Variants in SARS2 observed in about 807,000 individuals in gnomAD.
The protein encoded by SARS2 is seryl-tRNA synthetase 2, mitochondrial, also known as serine--tRNA ligase, mitochondrial.
A neutral mutation model predicts 66.8 loss-of-function variants in SARS2; 52 were observed. The observed-to-expected ratio is 0.78, with a 90% CI of 0.62 to 0.98. The LOEUF (loss-of-function observed/expected upper bound fraction) is 0.98, where lower values mean the gene tolerates loss of function less well. Ranked by LOEUF, SARS2 falls within the 50% of genes least tolerant of loss-of-function variation. SARS2 has a pLI of 0.00. For synonymous variants in SARS2, 306 were observed against 281.4 expected, an observed-to-expected ratio of 1.09 and a Z score of -0.87; for missense variants, 673 against 706.3, an observed-to-expected ratio of 0.95 and a Z score of 0.53.
intron 5 of SARS2, among the ~76,000 whole-genome samples, chr19:38,920,552 C>G (rs748144373): frequency 2.0e-5 from 3 of 151,732 alleles, no homozygotes; most frequent in Admixed American, 6.6e-5. Context: ...GAGAGAGAGA[C>G]AGAGACACAC....
At chr19:38,925,530 G>A (rs1341593277) in intron 2 of SARS2, among the ~76,000 whole-genome samples, 1 of 152,090 alleles carries the variant, frequency 6.6e-6, no homozygotes, top group Non-Finnish European at 1.5e-5. Flanking sequence ...GGACTTTGCT[G>A]GATGCTTCAG....
chr19:38,917,897 C>T (rs1162773215), intron 11 of SARS2, 24 bp downstream of exon 11: 2 of 1,613,290 alleles, frequency 1.2e-6, no homozygotes, highest in South Asian at 2.2e-5. Flanking sequence ...CACCCCAGCC[C>T]CGTTTAGTCC....
At chr19:38,927,341 G>A (rs1974645149) in intron 1 of SARS2, among the ~76,000 whole-genome samples, 3 of 152,238 alleles carry the variant, frequency 2.0e-5, no homozygotes, top group Admixed American at 2.0e-4. Flanking sequence ...GGCTGAGGCA[G>A]GTGGATCATT....
Position 38,930,422 on chromosome 19 carries a change from T to G in SARS2, c.267+48A>C, listed in dbSNP as rs748821451. 2.6e-6 allele frequency: 4 copies of G among 1,551,570 alleles called. No individual in the cohort carries two copies. The South Asian group carries it at 4.7e-5, about 18-fold the overall frequency. ...GAGGGCATCTTGCAAACCCAATTCTTCCGTAAAGCAAACGTCTGCGCCCCC... is the reference window on the plus strand; with the variant it reads ...GAGGGCATCTTGCAAACCCAATTCTGCCGTAAAGCAAACGTCTGCGCCCCC... On this transcript the variant is annotated intron_variant, in intron 1 of 15. Transcript: ENST00000221431.
intron 6 of SARS2, 89 bp from the exon 7 acceptor site, chr19:38,919,956 CT>C: frequency 7.3e-7 from 1 of 1,361,628 alleles, no homozygotes; most frequent in South Asian, 1.2e-5. Flanking sequence ...GGCCCGGCTG[CT>C]GGGTGGGGCT....
rs780899400 is a variant in SARS2, at chr19:38,916,038, G to A, written c.1346C>T (p.Thr449Met). The change falls in exon 14 of 16, where the codon ACG becomes ATG. Residue 449 changes from threonine to methionine, a missense_variant and splice_region_variant. By Grantham distance (81) the Thr-to-Met change is moderately conservative. Transcript: ENST00000221431. ...TEAGELQFAH[T>M]VNATACAVPR... ...GGCAGGAGGCTGTGCGGGCCTCACC[G>A]TGTGGGCAAACTGCAGCTCCCCAGC... 2.0e-5 allele frequency: 33 copies of A among 1,613,380 alleles called. No individual in the cohort carries two copies. The highest frequency in any genetic ancestry group is 2.8e-5 in the Non-Finnish European group (33 of 1,179,902).
intron 1 of SARS2, among the ~76,000 whole-genome samples, chr19:38,927,962 G>A (rs913426269): frequency 2.7e-4 from 41 of 152,198 alleles, no homozygotes; most frequent in African/African-American, 9.4e-4. Context: ...GAACCCGGGA[G>A]GTAGAGATTG....
chr19:38,917,993 G>T lies in SARS2; in HGVS notation c.978C>A (p.Ser326Arg). The part of the protein sequence containing the change: ...RDLPVRMVCS[S>R]TCYRAETNTG... The stretch of plus-strand genomic sequence containing the variant: ...TGTTTGTCTCTGCCCGGTAGCAGGT[G>T]CTGGAGCAAACCATCCTGGCAGAGA... Residue 326 changes from serine to arginine, a missense_variant, in exon 11 of 16, where the codon AGC (serine) becomes AGA (arginine). Coordinates refer to ENST00000221431, the MANE Select transcript of SARS2 (RefSeq NM_017827.4). 1 of 1,602,742 alleles carries T rather than the reference G, an allele frequency of 6.2e-7. No homozygotes were observed.
chr19:38,916,966 A>AT lies in SARS2; in HGVS notation c.1161-653dup, dbSNP rs879259001. Among the ~76,000 whole-genome samples the AT allele has an allele frequency of 3.7e-3, 469 of 125,268 alleles. 2 individuals carry two copies. The highest frequency in any genetic ancestry group is 0.01 in the African/African-American group (344 of 33,748). The allele number at this position is 125,268 out of a possible 152,430, so 82.2% of individuals were successfully genotyped here. On this transcript the variant is annotated intron_variant, in intron 12 of 15. Coordinates refer to ENST00000221431, the MANE Select transcript of SARS2 (RefSeq NM_017827.4). ...GTGTGAGCCACCGTGCCTGGCCTTT[A>AT]TTTTTTTTTTTTAGAGACAGGGTCT...
rs548892514 is a variant in SARS2, at chr19:38,920,714, C to T, written c.590-565G>A. ...ATACAGACACACAAAGACAGACACG[C>T]ACACACAGATACACACAAAGACACA... On this transcript the variant is annotated intron_variant, in intron 5 of 15. Transcript: ENST00000221431. Among the ~76,000 whole-genome samples, 5 of 151,474 alleles carry T rather than the reference C, an allele frequency of 3.3e-5. No individual in the cohort carries two copies. In the East Asian group the frequency reaches 7.8e-4, roughly 24 times the overall value.
At chr19:38,921,325 C>T (rs2144771046) in intron 5 of SARS2, 67 bp downstream of exon 5, 1 of 1,556,396 alleles carries the variant, frequency 6.4e-7, no homozygotes, top group Non-Finnish European at 8.8e-7. Context: ...CAGGGGCCCC[C>T]ACCCCGAGAC....
intron 2 of SARS2, among the ~76,000 whole-genome samples, chr19:38,924,663 A>G (rs1974598864): frequency 6.6e-6 from 1 of 152,020 alleles, no homozygotes; most frequent in Non-Finnish European, 1.5e-5. Context: ...TTTTTCTCGG[A>G]GACAGGGTCT....
Position 38,917,851 on chromosome 19 carries a change from G to T in SARS2, c.1051-18C>A, listed in dbSNP as rs201970260. 16 of 1,613,506 alleles carry T rather than the reference G, an allele frequency of 9.9e-6. No individual in the cohort carries two copies. In the African/African-American group the frequency reaches 2.0e-4, roughly 20 times the overall value. On this transcript the variant is annotated intron_variant, in intron 11 of 15. Coordinates refer to ENST00000221431, the MANE Select transcript of SARS2 (RefSeq NM_017827.4). ...ATCTCCACCTGGGACAGAGGGCACA[G>T]GAGTCAGGAGGCTCTGAGCTCTTGG... is the stretch of plus-strand genomic sequence containing the variant.
intron 12 of SARS2, among the ~76,000 whole-genome samples, chr19:38,916,590 A>G (rs894944259): frequency 1.4e-5 from 2 of 147,662 alleles, no homozygotes; most frequent in African/African-American, 2.5e-5. Flanking sequence ...ATGGGAGGGG[A>G]AAAAGGCACG....
intron 7 of SARS2, among the ~76,000 whole-genome samples, chr19:38,919,544 C>A (rs964888103): frequency 1.3e-5 from 2 of 152,230 alleles, no homozygotes; most frequent in Admixed American, 6.5e-5. Flanking sequence ...GCTATAGGTA[C>A]CTCCCCTCTC....
chr19:38,924,131 C>A (rs1340272421), intron 2 of SARS2, among the ~76,000 whole-genome samples: 62 of 142,272 alleles, frequency 4.4e-4, no homozygotes, highest in East Asian at 6.0e-4. Context: ...GACTCTGTCT[C>A]AAAAAAAAAA....
intron 5 of SARS2, among the ~76,000 whole-genome samples, chr19:38,921,076 C>CACACAGAT (rs67974583): frequency 0.69 from 100,321 of 144,614 alleles, 34,724 homozygotes; most frequent in East Asian, 0.96. Flanking sequence ...CAGATACAGA[C>CACACAGAT]ACACAGATAC....
intron 1 of SARS2, among the ~76,000 whole-genome samples, chr19:38,927,905 C>T (rs983615989): frequency 2.6e-5 from 4 of 151,560 alleles, no homozygotes; most frequent in East Asian, 2.0e-4. Flanking sequence ...TGGAGGCGTG[C>T]GCCTGTAATC....
At chr19:38,929,448 C>T (rs1482649502) in intron 1 of SARS2, among the ~76,000 whole-genome samples, 1 of 151,298 alleles carries the variant, frequency 6.6e-6, no homozygotes, top group East Asian at 1.9e-4. Flanking sequence ...CCCAGCTACA[C>T]GGGAGGCTGA....
Sources: allele counts gnomAD v4.1 joint callset (sites outside exome capture counted in the v4.1 genomes callset), GRCh38; gene constraint gnomAD v4.1.1; transcripts MANE v1.5; gene names NCBI Gene and HGNC (gene_info 2026-07-23, HGNC 2026-07-21).